Variants in CCDC7 observed in about 807,000 individuals in gnomAD.
CCDC7 encodes coiled-coil domain containing 7, also known as coiled-coil domain-containing protein 7.
A neutral mutation model predicts 196.9 loss-of-function variants in CCDC7; 183 were observed. The observed-to-expected ratio is 0.93, with a 90% CI of 0.82 to 1.05. The LOEUF (loss-of-function observed/expected upper bound fraction) is 1.05, where lower values mean the gene tolerates loss of function less well. Ranked by LOEUF, CCDC7 falls within the 50% of genes least tolerant of loss-of-function variation. The probability of loss-of-function intolerance (pLI) is 0.00; values close to 1 mark genes in which losing one functional copy is unlikely to be tolerated. For missense variants in CCDC7, 1,540 were observed against 1,482.2 expected (o/e 1.04, Z -0.64); for synonymous variants, 525 against 484.6 (o/e 1.08, Z -1.10).
chr10:32,534,699 A>G (rs1332971049), intron 11 of CCDC7, among the ~76,000 whole-genome samples: 1 of 152,016 alleles, frequency 6.6e-6, no homozygotes, highest in Non-Finnish European at 1.5e-5. Context: ...GCAGTGTAGG[A>G]AGGCTGGCCA....
rs1488719491 is a variant in CCDC7, at chr10:32,620,367, ATCT to A, written c.1802-13883_1802-13881del. 2.0e-5 allele frequency among the ~76,000 whole-genome samples: 3 copies of A among 152,158 alleles called. No homozygotes were observed. The East Asian group carries it at 5.8e-4, about 29-fold the overall frequency. On this transcript the variant is annotated intron_variant, in intron 18 of 41. Coordinates refer to ENST00000639629, the Ensembl canonical transcript of CCDC7. ...ACCTGTTTTATAGCGTGATAATATC[ATCT>A]TCTACTCTACTGATGTTGCCAGACA...
At chr10:32,521,212 A>T (rs561350807) in intron 11 of CCDC7, among the ~76,000 whole-genome samples, 31 of 151,872 alleles carry the variant, frequency 2.0e-4, no homozygotes, top group Admixed American at 2.0e-3. Flanking sequence ...GGCTTTTGCG[A>T]TTTCATATAA....
chr10:32,723,967 G>A (rs1164046472), intron 25 of CCDC7, among the ~76,000 whole-genome samples: 1 of 151,984 alleles, frequency 6.6e-6, no homozygotes, highest in Non-Finnish European at 1.5e-5. Flanking sequence ...TTGCCTCCGA[G>A]ATTGTATTAC....
chr10:32,709,906 C>T (rs1280435756), intron 24 of CCDC7, among the ~76,000 whole-genome samples: 1 of 152,100 alleles, frequency 6.6e-6, no homozygotes, highest in African/African-American at 2.4e-5. Context: ...TGCTCTCACT[C>T]TCAAGCAAGA....
At chr10:32,755,583 C>A (rs2076299338) in intron 28 of CCDC7, among the ~76,000 whole-genome samples, 1 of 152,162 alleles carries the variant, frequency 6.6e-6, no homozygotes, top group South Asian at 2.1e-4. Flanking sequence ...GACATCCACA[C>A]CAAAACCCCA....
At chr10:32,771,147 T>C (rs1289422703) in intron 28 of CCDC7, among the ~76,000 whole-genome samples, 1 of 152,228 alleles carries the variant, frequency 6.6e-6, no homozygotes, top group East Asian at 1.9e-4. Context: ...TTTTAAATTG[T>C]GTTTTTATTT....
At position 32,845,594 on chromosome 10, in the gene CCDC7, A is replaced by G. The variant is rs754765857; in HGVS notation, c.3488A>G (p.Glu1163Gly). The G allele has an allele frequency of 4.3e-6, 7 of 1,612,630 alleles. No individual in the cohort carries two copies. In the Admixed American group the frequency reaches 1.0e-4, roughly 23 times the overall value. ...GCTACTGGAAGAGGTCTAATGAAGGAGTCAACCACGACACAATTAAAAAGT... is the reference window on the plus strand; with the variant it reads ...GCTACTGGAAGAGGTCTAATGAAGGGGTCAACCACGACACAATTAAAAAGT... Residue 1163 changes from glutamate (E) to glycine (G), a missense_variant, in exon 35 of 42, where the codon GAG becomes GGG. Transcript: ENST00000639629.
At position 32,451,863 on chromosome 10, in the gene CCDC7, C is replaced by T. The variant is rs148093587; in HGVS notation, c.221C>T (p.Thr74Ile). ...GCTTTGCCCATTCCATCGAGTAAGA[C>T]AAAGAACTTACTACCAGAAGATGAA... Residue 74 changes from threonine (T) to isoleucine (I), a missense_variant, in exon 1 of 42, where the codon ACA becomes ATA. Thr to Ile is a moderately conservative substitution (Grantham distance 89, BLOSUM62 -1). Coordinates refer to ENST00000639629, the Ensembl canonical transcript of CCDC7. 5 of 1,613,446 alleles carry T rather than the reference C, an allele frequency of 3.1e-6. No individual in the cohort carries two copies. The African/African-American group carries it at 6.7e-5, about 22-fold the overall frequency.
chr10:32,594,862 G>T (rs976003058), intron 18 of CCDC7, among the ~76,000 whole-genome samples: 3 of 152,186 alleles, frequency 2.0e-5, no homozygotes, highest in African/African-American at 4.8e-5. Context: ...TTATTGATTT[G>T]TGTATGTTGA....
intron 16 of CCDC7, 74 bp from the exon 18 acceptor site, chr10:32,582,960 A>G (rs1271276343): frequency 7.0e-6 from 6 of 855,772 alleles, no homozygotes; most frequent in Non-Finnish European, 9.3e-6. Flanking sequence ...CTTATATATT[A>G]TTAAAATGAT....
At chr10:32,773,672 A>G (rs556295961) in intron 28 of CCDC7, among the ~76,000 whole-genome samples, 55 of 151,690 alleles carry the variant, frequency 3.6e-4, no homozygotes, top group Admixed American at 5.9e-4. Context: ...TAGATCTTCA[A>G]TTTTTCTGAG....
intron 21 of CCDC7, among the ~76,000 whole-genome samples, chr10:32,669,412 A>G (rs1039959131): frequency 2.0e-5 from 3 of 152,112 alleles, no homozygotes; most frequent in African/African-American, 7.2e-5. Context: ...TGAGTTTGGA[A>G]GTGATCTCTC....
At chr10:32,801,611 G>T (rs958136266) in intron 29 of CCDC7, among the ~76,000 whole-genome samples, 2 of 152,178 alleles carry the variant, frequency 1.3e-5, no homozygotes, top group African/African-American at 4.8e-5. Context: ...GCACCTCCAT[G>T]TGGGTTACAC....
intron 32 of CCDC7, among the ~76,000 whole-genome samples, chr10:32,832,392 A>T (rs982165356): frequency 1.4e-4 from 22 of 151,976 alleles, no homozygotes; most frequent in African/African-American, 4.4e-4. Flanking sequence ...AATCCCAGTT[A>T]CTCATGAGGC....
At chr10:32,515,408 A>G (rs768684445) in intron 9 of CCDC7, among the ~76,000 whole-genome samples, 31 of 152,350 alleles carry the variant, frequency 2.0e-4, no homozygotes, top group South Asian at 4.1e-4. Context: ...AAAGTCCACA[A>G]ATAAACCCTT....
intron 24 of CCDC7, among the ~76,000 whole-genome samples, chr10:32,705,140 C>T (rs370046402): frequency 3.3e-5 from 5 of 152,068 alleles, no homozygotes; most frequent in African/African-American, 4.8e-5. Flanking sequence ...TGTTCCTATT[C>T]GGCCATCTTG....
chr10:32,545,416 G>A (rs945367621), intron 13 of CCDC7, among the ~76,000 whole-genome samples: 2 of 152,156 alleles, frequency 1.3e-5, no homozygotes, highest in Non-Finnish European at 2.9e-5. Flanking sequence ...CCCAGTTCAC[G>A]CTACTGTTTC....
At chr10:32,463,724 G>T (rs771975930) in intron 5 of CCDC7, among the ~76,000 whole-genome samples, 1 of 152,132 alleles carries the variant, frequency 6.6e-6, no homozygotes, top group African/African-American at 2.4e-5. Flanking sequence ...TTATTTGGGG[G>T]TATTTAAAGG....
chr10:32,715,626 C>T (rs577939935), intron 25 of CCDC7, among the ~76,000 whole-genome samples: 3 of 152,200 alleles, frequency 2.0e-5, no homozygotes, highest in African/African-American at 7.2e-5. Context: ...CATGTTCTAA[C>T]CCAATGCAAG....
Sources: allele counts gnomAD v4.1 joint callset (sites outside exome capture counted in the v4.1 genomes callset), GRCh38; gene constraint gnomAD v4.1.1; transcripts MANE v1.5; gene names NCBI Gene and HGNC (gene_info 2026-07-23, HGNC 2026-07-21).